Variants in KCNIP4 observed in about 807,000 individuals in gnomAD.
KCNIP4 encodes the protein potassium voltage-gated channel interacting protein 4, also known as Kv channel-interacting protein 4.
KCNIP4 carries 12 observed loss-of-function variants against 34.0 expected under a neutral mutation model. The ratio of observed to expected loss-of-function variants is 0.35; its 90% CI spans 0.23 to 0.57. The LOEUF (loss-of-function observed/expected upper bound fraction) is 0.57, where lower values mean the gene tolerates loss of function less well. Ranked by LOEUF, KCNIP4 falls within the 20% of genes least tolerant of loss-of-function variation. The pLI is 0.83. For missense variants in KCNIP4, 238 were observed against 311.7 expected, an observed-to-expected ratio of 0.76 and a Z score of 1.78; for synonymous variants, 124 against 102.2, an observed-to-expected ratio of 1.21 and a Z score of -1.29.
chr4:21,780,974 A>T (rs6448083), intron 1 of KCNIP4, among the ~76,000 whole-genome samples: 97,433 of 151,918 alleles, frequency 0.64, 32,365 homozygotes, highest in Non-Finnish European at 0.73. Flanking sequence ...TGTGTTTGAG[A>T]GTGTGTCTCT....
At chr4:21,346,247 A>T (rs28638310) in intron 1 of KCNIP4, among the ~76,000 whole-genome samples, 51 of 109,900 alleles carry the variant, frequency 4.6e-4, no homozygotes, top group African/African-American at 1.7e-3. Flanking sequence ...AATATATATT[A>T]TATATATAAT....
chr4:20,964,609 A>C (rs915422331), intron 1 of KCNIP4, among the ~76,000 whole-genome samples: 2 of 152,190 alleles, frequency 1.3e-5, no homozygotes, highest in Admixed American at 6.5e-5. Context: ...CTTCTGTCAC[A>C]AAAATTATTC....
chr4:20,731,259 A>C (rs1748112999), intron 8 of KCNIP4: 1 of 344,276 alleles, frequency 2.9e-6, no homozygotes, highest in African/African-American at 2.2e-5. Context: ...TTGTAGAGAT[A>C]GATAGGGTCT....
At chr4:21,741,763 G>A (rs1246292186) in intron 1 of KCNIP4, among the ~76,000 whole-genome samples, 1 of 152,162 alleles carries the variant, frequency 6.6e-6, no homozygotes, top group East Asian at 1.9e-4. Context: ...ACTAGGCCGG[G>A]CGTGGTGGCT....
chr4:21,598,754 G>A (rs1249478278), intron 1 of KCNIP4, among the ~76,000 whole-genome samples: 4 of 152,006 alleles, frequency 2.6e-5, no homozygotes, highest in Admixed American at 6.6e-5. Flanking sequence ...ATCTACACAT[G>A]AGCACCCTGG....
In KCNIP4 at chr4:21,271,025, A is replaced by T. The variant is rs1331945041; in HGVS notation, c.62-388316T>A. On this transcript the variant is annotated intron_variant, in intron 1 of 8. Transcript: ENST00000382152. ...AAAAAGATTGTAAAAGAAAATTCTA[A>T]ATTATAAAAGCTCTATCCACTTATT... 3.3e-5 allele frequency among the ~76,000 whole-genome samples: 5 copies of T among 151,902 alleles called. No homozygotes were observed. The East Asian group carries it at 7.7e-4, about 23-fold the overall frequency.
chr4:21,879,260 A>G (rs908169869), intron 1 of KCNIP4, among the ~76,000 whole-genome samples: 2 of 152,220 alleles, frequency 1.3e-5, no homozygotes, highest in African/African-American at 2.4e-5. Context: ...GTTTCTAAGC[A>G]TAGTTGAACT....
chr4:21,206,570 T>C (rs574204194), intron 1 of KCNIP4, among the ~76,000 whole-genome samples: 1 of 152,308 alleles, frequency 6.6e-6, no homozygotes, highest in African/African-American at 2.4e-5. Flanking sequence ...AGCATTAGAC[T>C]GAGAATCAGG....
chr4:21,894,024 G>T (rs1412184222), intron 1 of KCNIP4, among the ~76,000 whole-genome samples: 10 of 151,972 alleles, frequency 6.6e-5, no homozygotes, highest in Non-Finnish European at 1.3e-4. Flanking sequence ...ATCACATACT[G>T]AATTTTTTTT....
chr4:21,081,892 A>T (rs1232875952), intron 1 of KCNIP4, among the ~76,000 whole-genome samples: 1 of 151,836 alleles, frequency 6.6e-6, no homozygotes, highest in Middle Eastern at 3.2e-3. Context: ...TCAAGATACC[A>T]TCTAACAAAT....
At chr4:21,368,078 T>C (rs1000964087) in intron 1 of KCNIP4, among the ~76,000 whole-genome samples, 3 of 147,224 alleles carry the variant, frequency 2.0e-5, no homozygotes, top group Non-Finnish European at 4.4e-5. Context: ...GGATTTGGAT[T>C]CAGCAAGATG....
chr4:21,736,196 CT>C (rs1715977930), intron 1 of KCNIP4, among the ~76,000 whole-genome samples: 3 of 152,230 alleles, frequency 2.0e-5, no homozygotes, highest in African/African-American at 7.2e-5. Context: ...GTCATGTATA[CT>C]GAGTGAAAGG....
intron 1 of KCNIP4, among the ~76,000 whole-genome samples, chr4:21,041,841 C>T (rs886654946): frequency 1.3e-5 from 2 of 152,142 alleles, no homozygotes; most frequent in Non-Finnish European, 2.9e-5. Flanking sequence ...GTGGGTTTGG[C>T]GGCCAACAGC....
intron 1 of KCNIP4, among the ~76,000 whole-genome samples, chr4:20,962,540 T>A (rs1282681315): frequency 6.6e-6 from 1 of 152,332 alleles, no homozygotes; most frequent in South Asian, 2.1e-4. Flanking sequence ...ACAAGAGATG[T>A]TGTCAGGTAT....
intron 1 of KCNIP4, among the ~76,000 whole-genome samples, chr4:21,243,386 T>G (rs1759989522): frequency 6.6e-6 from 1 of 152,210 alleles, no homozygotes; most frequent in Non-Finnish European, 1.5e-5. Flanking sequence ...ATTTATATTT[T>G]GGTGGAAATA....
chr4:21,662,724 A>G (rs2108992700), intron 1 of KCNIP4, among the ~76,000 whole-genome samples: 1 of 152,334 alleles, frequency 6.6e-6, no homozygotes, highest in East Asian at 1.9e-4. Flanking sequence ...TACTAGAAAA[A>G]CTAAAGTATT....
intron 1 of KCNIP4, among the ~76,000 whole-genome samples, chr4:21,576,058 A>T (rs1437406543): frequency 2.0e-5 from 3 of 152,120 alleles, no homozygotes; most frequent in Non-Finnish European, 2.9e-5. Context: ...ACAACTGAAA[A>T]TTTTTTTAGT....
At chr4:21,250,039 A>G (rs573816097) in intron 1 of KCNIP4, among the ~76,000 whole-genome samples, 1 of 151,950 alleles carries the variant, frequency 6.6e-6, no homozygotes, top group Non-Finnish European at 1.5e-5. Context: ...TTGAAAAGAG[A>G]TCTTATCCAA....
chr4:21,333,467 C>T (rs1715856759), intron 1 of KCNIP4, among the ~76,000 whole-genome samples: 1 of 151,922 alleles, frequency 6.6e-6, no homozygotes, highest in Admixed American at 6.6e-5. Context: ...TTAATATTCA[C>T]AATAGCACTG....
Sources: allele counts gnomAD v4.1 joint callset (sites outside exome capture counted in the v4.1 genomes callset), GRCh38; gene constraint gnomAD v4.1.1; transcripts MANE v1.5; gene names NCBI Gene and HGNC (gene_info 2026-07-23, HGNC 2026-07-21).